Variants in TJP2 observed in about 807,000 individuals in gnomAD.
TJP2 encodes Friedreich ataxia region gene X104 (tight junction protein ZO-2).
In TJP2, 91 loss-of-function variants were observed where a neutral mutation model predicts 133.1. The ratio of observed to expected loss-of-function variants is 0.68; its 90% CI spans 0.58 to 0.81. The LOEUF is 0.81. TJP2 is among the 40% of genes least tolerant of loss of function. The probability of loss-of-function intolerance (pLI) is 0.00; values close to 1 mark genes in which losing one functional copy is unlikely to be tolerated. For missense variants in TJP2, 1,541 were observed against 1,565.6 expected, an observed-to-expected ratio of 0.98 and a Z score of 0.26; for synonymous variants, 592 against 583.4, an observed-to-expected ratio of 1.01 and a Z score of -0.21.
At chr9:69,146,319 T>C (rs892275986) in intron 1 of TJP2, among the ~76,000 whole-genome samples, 2 of 152,222 alleles carry the variant, frequency 1.3e-5, no homozygotes, top group Admixed American at 6.5e-5. Flanking sequence ...AGAAGTTCTT[T>C]ATGCATAGCT....
chr9:69,206,676 C>T (rs1213324392), intron 1 of TJP2, among the ~76,000 whole-genome samples: 2 of 152,068 alleles, frequency 1.3e-5, no homozygotes, highest in African/African-American at 2.4e-5. Context: ...CTCCCGGGTT[C>T]GAGCCATTCT....
At chr9:69,214,642 G>T (rs7871549) in intron 2 of TJP2, among the ~76,000 whole-genome samples, 15,740 of 152,084 alleles carry the variant, frequency 0.1, 900 homozygotes, top group South Asian at 0.16. Flanking sequence ...GCAGAGACAG[G>T]TGGATCACAA....
chr9:69,149,863 G>A (rs929883007), intron 1 of TJP2, among the ~76,000 whole-genome samples: 1 of 152,106 alleles, frequency 6.6e-6, no homozygotes, highest in Non-Finnish European at 1.5e-5. Context: ...ATAAACACAA[G>A]CCTAGGCCAG....
intron 1 of TJP2, among the ~76,000 whole-genome samples, chr9:69,182,686 T>C (rs140841724): frequency 6.6e-6 from 1 of 152,320 alleles, no homozygotes; most frequent in East Asian, 1.9e-4. Context: ...AGTCTGCTTA[T>C]TGATAATGAA....
At chr9:69,225,877 C>A in intron 6 of TJP2, 145 bp from the exon 7 acceptor site, 1 of 835,600 alleles carries the variant, frequency 1.2e-6, no homozygotes, top group Non-Finnish European at 1.9e-6. Flanking sequence ...ATTTAAACGA[C>A]AATTCATTTT....
intron 5 of TJP2, 148 bp from the exon 6 acceptor site, chr9:69,225,156 T>C: frequency 1.7e-6 from 1 of 593,394 alleles, no homozygotes; most frequent in Non-Finnish European, 3.0e-6. Context: ...CATTGACTTT[T>C]TTGAAGAGTT....
intron 1 of TJP2, among the ~76,000 whole-genome samples, chr9:69,141,131 G>A (rs1823001765): frequency 6.6e-6 from 1 of 152,212 alleles, no homozygotes; most frequent in Non-Finnish European, 1.5e-5. Flanking sequence ...GATTACAGGC[G>A]TGAGCCACTG....
rs868785531 is a variant in TJP2, at chr9:69,137,226, C to T, written c.-130-14425C>T. On this transcript the variant is annotated intron_variant, in intron 1 of 5. Transcript: ENST00000423935. ...ATCATGAGCTTCTTTGTTTTCTTTC[C>T]TTCTTTCTTTCTTTCTCTCTCTCTT... Among the ~76,000 whole-genome samples the T allele has an allele frequency of 2.3e-4, 27 of 116,442 alleles. 1 individual carries two copies. The highest frequency in any genetic ancestry group is 9.2e-4 in the African/African-American group (26 of 28,130). The allele number at this position is 116,442 out of a possible 152,430, so 76.4% of individuals were successfully genotyped here. A position where few individuals can be genotyped will look rare whatever the true frequency, so the allele number is the denominator to read the frequency against.
chr9:69,206,639 G>A (rs980021317), intron 1 of TJP2, among the ~76,000 whole-genome samples: 1 of 151,544 alleles, frequency 6.6e-6, no homozygotes, highest in Admixed American at 6.6e-5. Flanking sequence ...GTGCAGTGGC[G>A]CGATTTCGGC....
At chr9:69,194,847 C>T (rs1266765604) in intron 1 of TJP2, among the ~76,000 whole-genome samples, 2 of 152,154 alleles carry the variant, frequency 1.3e-5, no homozygotes, top group African/African-American at 4.8e-5. Context: ...GGGTTGGCTA[C>T]GTAATACCCA....
At position 69,220,899 on chromosome 9, in the gene TJP2, C is replaced by A; in HGVS notation, c.355C>A (p.Pro119Thr). 3 of 1,612,286 alleles carry A rather than the reference C, an allele frequency of 1.9e-6. No individual in the cohort carries two copies. The South Asian group carries it at 3.3e-5, about 18-fold the overall frequency. Reference sequence around the variant, plus strand: ...GTTTTGACAACAGGTGGTCAAGAGGCCCCGGAAGGTCCAGGTGGCCGCACT... The same window carrying A: ...GTTTTGACAACAGGTGGTCAAGAGGACCCGGAAGGTCCAGGTGGCCGCACT... ...GKVAAIVVKRPRKVQVAALQA... is the reference protein window; with the variant it reads ...GKVAAIVVKRTRKVQVAALQA... The change falls in exon 5 of 23, where the codon CCC becomes ACC. Residue 119 changes from proline to threonine, a missense_variant. By Grantham distance (38) the Pro-to-Thr change is conservative. Transcript: ENST00000377245.
intron 1 of TJP2, among the ~76,000 whole-genome samples, chr9:69,179,280 T>A (rs1825316418): frequency 6.6e-6 from 1 of 152,268 alleles, no homozygotes; most frequent in South Asian, 2.1e-4. Flanking sequence ...TAAAGTTAAA[T>A]CAGGTTTTTT....
chr9:69,243,814 G>A (rs978389607), intron 17 of TJP2, among the ~76,000 whole-genome samples: 6 of 152,150 alleles, frequency 3.9e-5, no homozygotes, highest in South Asian at 2.1e-4. Context: ...GGGGTCTAGC[G>A]TGCCACTGTT....
At chr9:69,236,814 C>G in intron 13 of TJP2, 135 bp from the exon 14 acceptor site, 1 of 1,062,892 alleles carries the variant, frequency 9.4e-7, no homozygotes, top group Admixed American at 1.7e-5. Context: ...ACATTTCCCA[C>G]CCTCTGAAAC....
intron 2 of TJP2, among the ~76,000 whole-genome samples, chr9:69,152,481 C>T (rs1429516102): frequency 1.3e-5 from 2 of 152,016 alleles, no homozygotes; most frequent in Admixed American, 1.3e-4. Context: ...GGGTGGATTC[C>T]AGATAAATGT....
At chr9:69,245,859 C>T (rs984357331) in intron 17 of TJP2, among the ~76,000 whole-genome samples, 2 of 152,102 alleles carry the variant, frequency 1.3e-5, no homozygotes, top group Admixed American at 1.3e-4. Flanking sequence ...TGAATACACA[C>T]TGGTTGGGTT....
intron 2 of TJP2, among the ~76,000 whole-genome samples, chr9:69,166,797 C>G (rs1425522742): frequency 6.6e-6 from 1 of 152,126 alleles, no homozygotes; most frequent in East Asian, 1.9e-4. Flanking sequence ...ATTAGCCAGG[C>G]CTGGTGGCAT....
In TJP2 at chr9:69,126,450, C is replaced by T. The variant is rs142239568; in HGVS notation, c.-131+4725C>T. On this transcript the variant is annotated intron_variant, in intron 1 of 5. Coordinates refer to the TJP2 transcript ENST00000423935. Reference sequence around the variant, plus strand: ...GAAGTACTCTGCATGACAGTACCTACCTGGCACCCTGAAATGCCACACAGT... The same window carrying T: ...GAAGTACTCTGCATGACAGTACCTATCTGGCACCCTGAAATGCCACACAGT... 1.4e-3 allele frequency among the ~76,000 whole-genome samples: 106 copies of T among 76,638 alleles called. 34 individuals are homozygous for T. Among genetic ancestry groups the T allele is most frequent in the African/African-American group, 4.1e-3 (104 of 25,088 alleles). 50.3% of individuals were successfully genotyped at this position (76,638 alleles called of 152,430 possible). A position where few individuals can be genotyped will look rare whatever the true frequency, so the allele number is the denominator to read the frequency against.
Position 69,228,028 on chromosome 9 carries a change from C to A in TJP2, c.1367C>A (p.Pro456His), listed in dbSNP as rs781223196. The A allele has an allele frequency of 7.4e-6, 12 of 1,614,038 alleles. No homozygotes were observed. The highest frequency in any genetic ancestry group is 9.3e-6 in the Non-Finnish European group (11 of 1,179,990). The change falls in exon 9 of 23, where the codon CCC becomes CAC. Residue 456 changes from proline (P) to histidine (H), a missense_variant. Transcript: ENST00000377245. ...PSRLSRMGAT[P>H]TPFKSTGDIA... ...AGATTGTCCAGGATGGGTGCGACAC[C>A]CACTCCCTTTAAGTCCACAGGGGAT...
Sources: allele counts gnomAD v4.1 joint callset (sites outside exome capture counted in the v4.1 genomes callset), GRCh38; gene constraint gnomAD v4.1.1; transcripts MANE v1.5; gene names NCBI Gene and HGNC (gene_info 2026-07-23, HGNC 2026-07-21).